Variants in THAP5 observed in about 807,000 individuals in gnomAD.
THAP5 encodes the protein THAP domain-containing protein 5.
Under a neutral mutation model 34.0 loss-of-function variants are expected in THAP5, and 26 were observed. That is an observed-to-expected ratio of 0.77 (90% CI 0.56 to 1.06). THAP5 has a LOEUF of 1.06. Ranked by LOEUF, THAP5 falls within the 50% of genes least tolerant of loss-of-function variation. The probability of loss-of-function intolerance (pLI) is 0.00; values close to 1 mark genes in which losing one functional copy is unlikely to be tolerated. For missense variants in THAP5, 394 were observed against 452.8 expected (o/e 0.87, Z 1.18); for synonymous variants, 125 against 153.0 (o/e 0.82, Z 1.35).
chr7:108,548,581 A>G, the THAP5 span, among the ~76,000 whole-genome samples: 1 of 152,218 alleles, frequency 6.6e-6, no homozygotes, highest in South Asian at 2.1e-4. Context: ...TGGCTAATTT[A>G]TAAAGGAAAG....
intron 1 of THAP5, among the ~76,000 whole-genome samples, chr7:108,557,081 G>A (rs182357935): frequency 5.7e-4 from 87 of 152,346 alleles, no homozygotes; most frequent in Non-Finnish European, 1.0e-3. Context: ...GCTGGAGCTG[G>A]AGCAGCTAGG....
At chr7:108,551,758 G>C (rs1864355049), downstream of THAP5, among the ~76,000 whole-genome samples, 1 of 152,144 alleles carries the variant, frequency 6.6e-6, no homozygotes, top group South Asian at 2.1e-4. Context: ...AAAAAATATA[G>C]ATGCTCAGGC....
chr7:108,543,081 C>G, the THAP5 span, among the ~76,000 whole-genome samples: 1 of 151,912 alleles, frequency 6.6e-6, no homozygotes, highest in African/African-American at 2.4e-5. Context: ...TGCCTGTCAC[C>G]ACGCCCGGCT....
rs952565238 is a variant in THAP5 at position 108,569,607 on chromosome 7, G to T, written c.-38C>A. On this transcript the variant is annotated 5_prime_UTR_variant, in exon 1 of 3. Transcript: ENST00000415914. ...GCCCCTGGAGACCGGGGCCGGCGAC[G>T]GATGCAGGGCGGCCCTCCTCACTGA... 3.9e-6 allele frequency: 6 copies of T among 1,548,700 alleles called. No individual in the cohort carries two copies. Among genetic ancestry groups the T allele is most frequent in the Non-Finnish European group, 4.4e-6 (5 of 1,146,856 alleles).
At chr7:108,569,161 A>T (rs1360466329) in intron 1 of THAP5, 3 of 1,163,452 alleles carry the variant, frequency 2.6e-6, no homozygotes, top group Non-Finnish European at 3.2e-6. Flanking sequence ...CACGTATCTT[A>T]AATGGTGGTT....
downstream of THAP5, among the ~76,000 whole-genome samples, chr7:108,558,131 C>T (rs979853004): frequency 6.6e-6 from 1 of 151,760 alleles, no homozygotes; most frequent in African/African-American, 2.4e-5. Context: ...AATCATGTCC[C>T]ACTAGACCCC....
the THAP5 span, among the ~76,000 whole-genome samples, chr7:108,544,456 G>A: frequency 6.6e-6 from 1 of 151,670 alleles, no homozygotes; most frequent in African/African-American, 2.4e-5. Flanking sequence ...GCTTGAACCT[G>A]GGAGGCAGAG....
chr7:108,557,209 G>A (rs1423424268), downstream of THAP5, among the ~76,000 whole-genome samples: 2 of 152,238 alleles, frequency 1.3e-5, no homozygotes, highest in African/African-American at 4.8e-5. Flanking sequence ...TGCCCTGGAA[G>A]CCTTTTCCCC....
downstream of THAP5, among the ~76,000 whole-genome samples, chr7:108,561,452 A>G (rs1477786603): frequency 7.4e-6 from 1 of 135,856 alleles, no homozygotes; most frequent in African/African-American, 2.9e-5. Flanking sequence ...TTTTTTTTCT[A>G]GAGACAGGGT....
chr7:108,555,291 A>C (rs1345495055), intron 1 of THAP5, among the ~76,000 whole-genome samples: 1 of 151,978 alleles, frequency 6.6e-6, no homozygotes. Context: ...CAGCCTCCCA[A>C]GTAGCTGGGC....
the THAP5 span, among the ~76,000 whole-genome samples, chr7:108,547,517 A>G: frequency 1.3e-5 from 2 of 152,206 alleles, no homozygotes; most frequent in African/African-American, 4.8e-5. Flanking sequence ...TTGAACTTAC[A>G]TATTATTTTC....
At chr7:108,551,400 G>A (rs1864352798), downstream of THAP5, among the ~76,000 whole-genome samples, 1 of 152,208 alleles carries the variant, frequency 6.6e-6, no homozygotes, top group Non-Finnish European at 1.5e-5. Context: ...TCTGCCATAT[G>A]AGGACACAAT....
At chr7:108,562,073 C>T (rs560338999), downstream of THAP5, among the ~76,000 whole-genome samples, 26 of 152,240 alleles carry the variant, frequency 1.7e-4, no homozygotes, top group Admixed American at 1.2e-3. Flanking sequence ...ATTTCCTTTG[C>T]GTGTCATGTT....
At position 108,569,565 on chromosome 7, in the gene THAP5, G is replaced by T; in HGVS notation, c.5C>A (p.Pro2His). The change falls in exon 1 of 3, where the codon CCC becomes CAC. Residue 2 changes from proline to histidine, a missense_variant. Coordinates refer to ENST00000415914, the MANE Select transcript of THAP5 (RefSeq NM_001130475.3). The stretch of plus-strand genomic sequence containing the variant: ...ACAACAAATCGCTGCGCAATAGCGG[G>T]GCATGACTCGGGTGAGGCCCCTGGA... M[P>H]RYCAAICCKN... 6.4e-7 allele frequency: 1 copy of T among 1,551,494 alleles called. No individual in the cohort carries two copies. The highest frequency in any genetic ancestry group is 8.7e-7 in the Non-Finnish European group (1 of 1,147,022).
rs376129336 is a variant in THAP5, at chr7:108,562,919, G to C, written c.*1272C>G. On this transcript the variant is annotated 3_prime_UTR_variant, in exon 3 of 3. Transcript: ENST00000415914. ...GCTTATAAATTTTAATAAAATATAC[G>C]TAAGTGGGAATGTACAGTATTAAGT... 3 of 151,952 alleles carry C rather than the reference G, an allele frequency of 2.0e-5. No individual in the cohort carries two copies. The highest frequency in any genetic ancestry group is 2.9e-5 in the Non-Finnish European group (2 of 67,992). 9.4% of individuals were successfully genotyped at this position (151,952 alleles called of 1,614,324 possible). A position where few individuals can be genotyped will look rare whatever the true frequency, so the allele number is the denominator to read the frequency against.
rs1258322697 is a variant in THAP5 at position 108,564,071 on chromosome 7, C to A, written c.*120G>T. The A allele has an allele frequency of 2.0e-5, 16 of 786,212 alleles. No homozygotes were observed. The Admixed American group carries it at 3.8e-4, about 18-fold the overall frequency. The allele number at this position is 786,212 out of a possible 1,614,324, so 48.7% of individuals were successfully genotyped here. On this transcript the variant is annotated 3_prime_UTR_variant, in exon 3 of 3. Coordinates refer to ENST00000415914, the MANE Select transcript of THAP5 (RefSeq NM_001130475.3). ...GAATAGGATACAGTTCATAACTTTACAACACTCTCATAGGTTCATTAAGAT... is the reference window on the plus strand; with the variant it reads ...GAATAGGATACAGTTCATAACTTTAAAACACTCTCATAGGTTCATTAAGAT...
downstream of THAP5, among the ~76,000 whole-genome samples, chr7:108,553,407 C>G (rs1386960714): frequency 6.6e-6 from 1 of 152,144 alleles, no homozygotes; most frequent in Non-Finnish European, 1.5e-5. Flanking sequence ...GCTGAAGGCC[C>G]TCCATAAACC....
downstream of THAP5, among the ~76,000 whole-genome samples, chr7:108,550,421 G>A (rs1201153883): frequency 6.6e-6 from 1 of 151,954 alleles, no homozygotes; most frequent in African/African-American, 2.4e-5. Context: ...ACATGTTCAG[G>A]TCCAGAAAAG....
At position 108,564,627 on chromosome 7, in the gene THAP5, G is replaced by C. The variant is rs145694107; in HGVS notation, c.752C>G (p.Pro251Arg). 1.1e-4 allele frequency: 174 copies of C among 1,613,810 alleles called. No homozygotes were observed. In the African/African-American group the frequency reaches 2.2e-3, roughly 20 times the overall value. The change falls in exon 3 of 3, where the codon CCA (proline) becomes CGA (arginine). Residue 251 changes from proline to arginine, a missense_variant. Pro to Arg is a moderately radical substitution (Grantham distance 103, BLOSUM62 -2). Transcript: ENST00000415914. ...TTGATTAATTGTGCTGAATAAGAAT[G>C]GATTTTCCTGTGCTGACTTTATTTC... ...SMEIKSAQENPFLFSTINQTV... is the reference protein window; with the variant it reads ...SMEIKSAQENRFLFSTINQTV...
Sources: allele counts gnomAD v4.1 joint callset (sites outside exome capture counted in the v4.1 genomes callset), GRCh38; gene constraint gnomAD v4.1.1; transcripts MANE v1.5; gene names NCBI Gene and HGNC (gene_info 2026-07-23, HGNC 2026-07-21).